DLGAP2: variants seen among roughly 807,000 people sequenced by gnomAD.
The protein encoded by DLGAP2 is DLG associated protein 2.
A neutral mutation model predicts 100.3 loss-of-function variants in DLGAP2; 26 were observed. The observed-to-expected ratio is 0.26, with a 90% CI of 0.19 to 0.36. The LOEUF (loss-of-function observed/expected upper bound fraction) is 0.36, where lower values mean the gene tolerates loss of function less well. Ranked by LOEUF, DLGAP2 falls within the 10% of genes least tolerant of loss-of-function variation. DLGAP2 has a pLI of 1.00. For synonymous variants in DLGAP2, 886 were observed against 630.1 expected (o/e 1.41, Z -6.08); for missense variants, 1,858 against 1,453.2 (o/e 1.28, Z -4.53).
Position 1,209,499 on chromosome 8 carries a change from A to G in DLGAP2, c.74-49352A>G, listed in dbSNP as rs138392942. ...ATGGTGGGCATCAGCTGTTCTGTCA[A>G]TGTTTCTTGAGTGAATCATTTTCAT... On this transcript the variant is annotated intron_variant, in intron 2 of 14. Coordinates refer to ENST00000637795, the MANE Select transcript of DLGAP2 (RefSeq NM_001346810.2). Among the ~76,000 whole-genome samples the G allele has an allele frequency of 5.4e-3, 818 of 152,284 alleles. 7 individuals carry two copies. The highest frequency in any genetic ancestry group is 0.018 in the African/African-American group (741 of 41,546).
chr8:869,803 C>T (rs990472825), intron 1 of DLGAP2, among the ~76,000 whole-genome samples: 2 of 152,080 alleles, frequency 1.3e-5, no homozygotes, highest in African/African-American at 4.8e-5. Flanking sequence ...TTTATGGTGA[C>T]GAGTGGGCGG....
At position 1,296,597 on chromosome 8, in the gene DLGAP2, G is replaced by C. The variant is rs931663045; in HGVS notation, c.106+37714G>C. 3.3e-5 allele frequency among the ~76,000 whole-genome samples: 5 copies of C among 152,130 alleles called. No homozygotes were observed. In the East Asian group the frequency reaches 7.7e-4, roughly 23 times the overall value. On this transcript the variant is annotated intron_variant, in intron 3 of 14. Transcript: ENST00000637795. ...CTATATGAATAAATATTTTTCTGGG[G>C]TAGCATAAAAGCTGTTTTCATGATC... is the stretch of plus-strand genomic sequence containing the variant.
intron 3 of DLGAP2, among the ~76,000 whole-genome samples, chr8:1,338,608 T>G (rs1801343634): frequency 6.6e-6 from 1 of 152,238 alleles, no homozygotes; most frequent in African/African-American, 2.4e-5. Context: ...TTGTAAACCT[T>G]GAAAGAGTAA....
At chr8:839,614 G>A (rs760771782) in intron 1 of DLGAP2, among the ~76,000 whole-genome samples, 4 of 152,166 alleles carry the variant, frequency 2.6e-5, no homozygotes, top group East Asian at 3.9e-4. Context: ...CAGAAGTTTG[G>A]TTGTGAGATG....
At chr8:1,467,111 G>GA (rs1798647630) in intron 3 of DLGAP2, among the ~76,000 whole-genome samples, 1 of 151,844 alleles carries the variant, frequency 6.6e-6, no homozygotes, top group Non-Finnish European at 1.5e-5. Context: ...CAGCCAGAGG[G>GA]AGGGAGGGTC....
At chr8:761,776 A>C (rs931613048) in intron 1 of DLGAP2, among the ~76,000 whole-genome samples, 4 of 152,152 alleles carry the variant, frequency 2.6e-5, no homozygotes, top group African/African-American at 9.7e-5. Context: ...GAAGAGCCTG[A>C]GGTCGCGCTG....
At chr8:1,005,924 C>T (rs1197419102) in intron 2 of DLGAP2, among the ~76,000 whole-genome samples, 2 of 152,164 alleles carry the variant, frequency 1.3e-5, no homozygotes, top group African/African-American at 4.8e-5. Flanking sequence ...AGAAATCTCA[C>T]ACCCTGGTCT....
intron 3 of DLGAP2, among the ~76,000 whole-genome samples, chr8:1,487,274 A>G (rs1799256477): frequency 6.6e-6 from 1 of 152,238 alleles, no homozygotes; most frequent in Admixed American, 6.5e-5. Flanking sequence ...AGTGGAATAA[A>G]TGAATAATGG....
intron 2 of DLGAP2, among the ~76,000 whole-genome samples, chr8:1,005,405 G>GTT (rs34780471): frequency 5.9e-4 from 59 of 99,174 alleles, no homozygotes; most frequent in East Asian, 8.4e-4. Context: ...AACTCCACTT[G>GTT]TTTTTTTTTT....
At chr8:960,237 C>CGTTTTTTTT (rs1799691860) in intron 2 of DLGAP2, among the ~76,000 whole-genome samples, 1 of 44,640 alleles carries the variant, frequency 2.2e-5, no homozygotes, top group Non-Finnish European at 4.0e-5. Flanking sequence ...TGAAGTATAT[C>CGTTTTTTTT]TTTTTTTTTT....
At chr8:1,056,169 A>G (rs1802877407) in intron 2 of DLGAP2, among the ~76,000 whole-genome samples, 1 of 152,234 alleles carries the variant, frequency 6.6e-6, no homozygotes, top group South Asian at 2.1e-4. Context: ...TTAGGAAAAA[A>G]TACCCGTTTG....
intron 4 of DLGAP2, among the ~76,000 whole-genome samples, chr8:1,508,172 T>G (rs977635573): frequency 6.6e-6 from 1 of 151,792 alleles, no homozygotes; most frequent in Non-Finnish European, 1.5e-5. Flanking sequence ...GCCAGGGCTT[T>G]TCATCTGAAT....
intron 4 of DLGAP2, among the ~76,000 whole-genome samples, chr8:1,526,816 G>A (rs535892206): frequency 3.3e-5 from 5 of 152,164 alleles, no homozygotes; most frequent in South Asian, 2.1e-4. Flanking sequence ...ACTCCCCTAC[G>A]TGACTTCCAT....
intron 2 of DLGAP2, among the ~76,000 whole-genome samples, chr8:1,116,378 G>A (rs1049648035): frequency 6.6e-6 from 1 of 152,182 alleles, no homozygotes; most frequent in Admixed American, 6.5e-5. Context: ...AGAAAACCTG[G>A]GTTTGGATTT....
At chr8:955,516 G>C (rs1470307518) in intron 2 of DLGAP2, among the ~76,000 whole-genome samples, 1 of 152,090 alleles carries the variant, frequency 6.6e-6, no homozygotes, top group Non-Finnish European at 1.5e-5. Flanking sequence ...CCCCATTTCT[G>C]AGCCCCGGGT....
In DLGAP2 at chr8:974,093, A is replaced by C. The variant is rs141204324; in HGVS notation, c.73+66127A>C. On this transcript the variant is annotated intron_variant, in intron 2 of 14. Coordinates refer to ENST00000637795, the MANE Select transcript of DLGAP2 (RefSeq NM_001346810.2). ...AGAGAAGAAAGAAAGAAAAGAAAAG[A>C]AGAAATATTTGTAGTAAAAGTTGAT... is the stretch of plus-strand genomic sequence containing the variant. Among the ~76,000 whole-genome samples, 413 of 152,328 alleles carry C rather than the reference A, an allele frequency of 2.7e-3. 2 individuals carry two copies. Among genetic ancestry groups the C allele is most frequent in the African/African-American group, 9.3e-3 (385 of 41,598 alleles).
At chr8:1,175,962 G>A (rs764422011) in intron 2 of DLGAP2, among the ~76,000 whole-genome samples, 1 of 152,220 alleles carries the variant, frequency 6.6e-6, no homozygotes, top group African/African-American at 2.4e-5. Context: ...ATTCGCAGAT[G>A]TGGGAGCTGG....
intron 2 of DLGAP2, among the ~76,000 whole-genome samples, chr8:1,036,236 T>A (rs979976895): frequency 2.0e-5 from 3 of 151,560 alleles, no homozygotes; most frequent in Admixed American, 2.0e-4. Context: ...TCACCGCGAG[T>A]GGATTCACAC....
At chr8:1,665,880 C>G (rs1382588540) in intron 8 of DLGAP2, among the ~76,000 whole-genome samples, 1 of 152,234 alleles carries the variant, frequency 6.6e-6, no homozygotes, top group Non-Finnish European at 1.5e-5. Context: ...CGTGGAAACC[C>G]CTTTATCGAT....
Sources: gnomAD v4.1 joint callset for allele counts (sites outside exome capture counted in the v4.1 genomes callset) on GRCh38, gnomAD v4.1.1 for gene constraint, MANE v1.5 for transcripts, NCBI Gene and HGNC (gene_info 2026-07-23, HGNC 2026-07-21) for gene names.